The following DACH2 variants were observed in gnomAD, a reference collection of about 807,000 sequenced individuals.
DACH2 encodes the protein dachshund homolog 2.
DACH2 carries 17 observed loss-of-function variants against 35.8 expected under a neutral mutation model. That is an observed-to-expected ratio of 0.48 (90% CI 0.33 to 0.71). DACH2 has a LOEUF of 0.71. Ranked by LOEUF, DACH2 falls within the 30% of genes least tolerant of loss-of-function variation. DACH2 has a pLI of 0.02. For missense variants in DACH2, 469 were observed against 472.7 expected (o/e 0.99, Z 0.07); for synonymous variants, 195 against 177.3 (o/e 1.10, Z -0.79).
At chrX:86,587,412 T>C (rs573139515) in intron 3 of DACH2, among the ~76,000 whole-genome samples, 2 of 111,570 alleles carry the variant, frequency 1.8e-5, no homozygotes, top group African/African-American at 6.5e-5. Flanking sequence ...CTTTCTTTCT[T>C]CTGCCTGATT....
At chrX:86,548,603 G>T (rs912217506) in intron 3 of DACH2, among the ~76,000 whole-genome samples, 1 of 111,656 alleles carries the variant, frequency 9.0e-6, no homozygotes, top group South Asian at 3.6e-4. Flanking sequence ...TTAACAAGCT[G>T]GGGAGTATTT....
At chrX:86,338,163 A>T (rs778359461) in intron 1 of DACH2, among the ~76,000 whole-genome samples, 15 of 111,629 alleles carry the variant, frequency 1.3e-4, no homozygotes, top group Non-Finnish European at 2.3e-4. Flanking sequence ...TCAACAAGAC[A>T]CAAAATTAGT....
chrX:86,782,817 C>A (rs2042101134), intron 7 of DACH2, among the ~76,000 whole-genome samples: 1 of 111,035 alleles, frequency 9.0e-6, no homozygotes, highest in South Asian at 3.7e-4. Context: ...TACAGGAGAG[C>A]TTTGGAGAAA....
intron 1 of DACH2, among the ~76,000 whole-genome samples, chrX:86,221,449 T>G (rs1012676832): frequency 8.0e-5 from 9 of 112,161 alleles, no homozygotes; most frequent in African/African-American, 2.9e-4. Context: ...GCCATCCTGT[T>G]TTAATTATCA....
intron 1 of DACH2, among the ~76,000 whole-genome samples, chrX:86,339,351 G>A (rs750272169): frequency 1.8e-5 from 2 of 111,506 alleles, no homozygotes; most frequent in East Asian, 2.8e-4. Flanking sequence ...AATCTTAAAG[G>A]TTCATTTAGT....
At chrX:86,311,884 G>T (rs2034807405) in intron 1 of DACH2, among the ~76,000 whole-genome samples, 1 of 111,471 alleles carries the variant, frequency 9.0e-6, no homozygotes, top group African/African-American at 3.3e-5. Context: ...AGTATGCATG[G>T]AATACAGGAG....
intron 3 of DACH2, among the ~76,000 whole-genome samples, chrX:86,621,181 GAGA>G (rs1185211546): frequency 1.8e-5 from 2 of 111,453 alleles, no homozygotes; most frequent in African/African-American, 6.5e-5. Context: ...GATAATATAT[GAGA>G]AGGTGTCTTC....
chrX:86,615,413 T>C (rs1306751405), intron 3 of DACH2, among the ~76,000 whole-genome samples: 7 of 111,624 alleles, frequency 6.3e-5, no homozygotes, highest in African/African-American at 2.3e-4. Flanking sequence ...GAGCTGAAAC[T>C]TGAAATCAGA....
chrX:86,273,670 G>A lies in DACH2; in HGVS notation c.489-103154G>A, dbSNP rs2033855409. Among the ~76,000 whole-genome samples the A allele has an allele frequency of 1.2e-4, 13 of 112,300 alleles. No homozygotes were observed. The Admixed American group carries it at 1.2e-3, about 11-fold the overall frequency. On this transcript the variant is annotated intron_variant, in intron 1 of 11. Coordinates refer to ENST00000373125, the MANE Select transcript of DACH2 (RefSeq NM_053281.3). ...TTTGGTATAAATGTAGTCAATATGG[G>A]ATATGATGATTTTTGAGAGATCTAT...
At chrX:86,161,112 A>G (rs759660077) in intron 1 of DACH2, 18 of 1,115,416 alleles carry the variant, frequency 1.6e-5, no homozygotes, top group Admixed American at 2.2e-5. Flanking sequence ...GTTGTAGCCA[A>G]TTTTCTTAAT....
At chrX:86,181,532 T>C (rs2031495594) in intron 1 of DACH2, among the ~76,000 whole-genome samples, 1 of 111,837 alleles carries the variant, frequency 8.9e-6, no homozygotes, top group Non-Finnish European at 1.9e-5. Flanking sequence ...TTTTTATGGC[T>C]GCATAGTATT....
At chrX:86,451,503 C>G (rs1245545911) in intron 2 of DACH2, among the ~76,000 whole-genome samples, 3 of 111,445 alleles carry the variant, frequency 2.7e-5, no homozygotes, top group Admixed American at 1.9e-4. Flanking sequence ...ATATCTCCAG[C>G]TTAGTTCTTT....
intron 1 of DACH2, chrX:86,304,838 C>T (rs369828267): frequency 6.9e-6 from 1 of 145,535 alleles, no homozygotes; most frequent in East Asian, 1.7e-4. Flanking sequence ...CCAATGGTAG[C>T]AGCAGCAGCT....
chrX:86,192,453 C>G (rs1279586700), intron 1 of DACH2, among the ~76,000 whole-genome samples: 1 of 111,965 alleles, frequency 8.9e-6, no homozygotes, highest in Non-Finnish European at 1.9e-5. Context: ...TTGCAATTAG[C>G]ATGACTTTAG....
Position 86,510,892 on chromosome X carries a change from A to G in DACH2, c.528-3387A>G, listed in dbSNP as rs185977887. Among the ~76,000 whole-genome samples, 5 of 111,796 alleles carry G rather than the reference A, an allele frequency of 4.5e-5. No individual in the cohort carries two copies. The Admixed American group carries it at 4.8e-4, about 11-fold the overall frequency. ...GAAAACAAATAATTGCCAAGAAACAATTATCATTTAATTAAAGAGTAATTA... is the reference window on the plus strand; with the variant it reads ...GAAAACAAATAATTGCCAAGAAACAGTTATCATTTAATTAAAGAGTAATTA... On this transcript the variant is annotated intron_variant, in intron 2 of 11. Coordinates refer to ENST00000373125, the MANE Select transcript of DACH2 (RefSeq NM_053281.3).
intron 2 of DACH2, among the ~76,000 whole-genome samples, chrX:86,417,627 C>CA (rs2036730625): frequency 1.8e-5 from 2 of 111,239 alleles, no homozygotes; most frequent in East Asian, 5.7e-4. Context: ...AGTCATGTCC[C>CA]ACCAGATTCC....
chrX:86,324,753 A>G (rs1017715916), intron 1 of DACH2, among the ~76,000 whole-genome samples: 11 of 107,375 alleles, frequency 1.0e-4, no homozygotes, highest in Non-Finnish European at 1.9e-4. Flanking sequence ...AATTTTTTGT[A>G]TTTTTAGTAG....
In DACH2 at chrX:86,687,898, G is replaced by C. The variant is rs188218516; in HGVS notation, c.773-7123G>C. ...CACACACTGGGGCCTGTCAGAGGGTGGGGGGCTAGGGGAGGGATAACATTA... is the reference window on the plus strand; with the variant it reads ...CACACACTGGGGCCTGTCAGAGGGTCGGGGGCTAGGGGAGGGATAACATTA... On this transcript the variant is annotated intron_variant, in intron 4 of 11. Coordinates refer to ENST00000373125, the MANE Select transcript of DACH2 (RefSeq NM_053281.3). Among the ~76,000 whole-genome samples the C allele has an allele frequency of 4.7e-3, 515 of 109,757 alleles. 6 individuals are homozygous for C. The highest frequency in any genetic ancestry group is 0.016 in the African/African-American group (490 of 30,121).
At chrX:86,780,418 A>G (rs1250941354) in intron 7 of DACH2, among the ~76,000 whole-genome samples, 2 of 111,846 alleles carry the variant, frequency 1.8e-5, no homozygotes, top group Non-Finnish European at 3.8e-5. Context: ...TCAAAACCCA[A>G]TCCAAAGAAT....
Sources: allele counts gnomAD v4.1 joint callset (sites outside exome capture counted in the v4.1 genomes callset), GRCh38; gene constraint gnomAD v4.1.1; transcripts MANE v1.5; gene names NCBI Gene and HGNC (gene_info 2026-07-23, HGNC 2026-07-21).